Variants in WHRN observed in about 807,000 individuals in gnomAD.
WHRN encodes whirlin.
In WHRN, 41 loss-of-function variants were observed where a neutral mutation model predicts 68.3. That is an observed-to-expected ratio of 0.60 (90% CI 0.47 to 0.78). WHRN has a LOEUF of 0.78. Ranked by LOEUF, WHRN falls within the 30% of genes least tolerant of loss-of-function variation. The pLI, the probability that WHRN is intolerant of heterozygous loss-of-function variation, is 0.00. For missense variants in WHRN, 1,243 were observed against 1,244.7 expected, an observed-to-expected ratio of 1.00 and a Z score of 0.02; for synonymous variants, 560 against 561.3, an observed-to-expected ratio of 1.00 and a Z score of 0.03.
chr9:114,412,620 G>A (rs1438033390), intron 7 of WHRN, among the ~76,000 whole-genome samples: 1 of 152,252 alleles, frequency 6.6e-6, no homozygotes, highest in African/African-American at 2.4e-5. Flanking sequence ...ATGACCTGCT[G>A]TCATTGTTCT....
rs866665080 is a variant in WHRN at position 114,422,619 on chromosome 9, A to G, written c.1626+695T>C. On this transcript the variant is annotated intron_variant, in intron 7 of 11. Coordinates refer to ENST00000362057, the MANE Select transcript of WHRN (RefSeq NM_015404.4). Reference sequence around the variant, plus strand: ...GAGGCTGAGGTGGGTGGATCTCCTGATGTCAGGAGTTCGAGACCAGCCTGG... The same window carrying G: ...GAGGCTGAGGTGGGTGGATCTCCTGGTGTCAGGAGTTCGAGACCAGCCTGG... Among the ~76,000 whole-genome samples, 11 of 152,076 alleles carry G rather than the reference A, an allele frequency of 7.2e-5. No homozygotes were observed. The South Asian group carries it at 1.2e-3, about 17-fold the overall frequency.
chr9:114,462,892 G>A (rs1015985552), intron 3 of WHRN, among the ~76,000 whole-genome samples: 2 of 152,188 alleles, frequency 1.3e-5, no homozygotes, highest in African/African-American at 4.8e-5. Context: ...AGGGTAAGAG[G>A]ATAATAAAAG....
intron 1 of WHRN, chr9:114,503,104 C>CA (rs1366621017): frequency 2.0e-6 from 2 of 984,160 alleles, no homozygotes; most frequent in African/African-American, 3.5e-5. Flanking sequence ...GCTCAAGACT[C>CA]ACCTGGACAC....
intron 1 of WHRN, among the ~76,000 whole-genome samples, chr9:114,480,105 T>C (rs1433166246): frequency 6.6e-6 from 1 of 152,092 alleles, no homozygotes; most frequent in Non-Finnish European, 1.5e-5. Context: ...AAGTTCCTTT[T>C]TTATAGCAAC....
In WHRN at chr9:114,475,184, C is replaced by T. The variant is rs529704588; in HGVS notation, c.837+3369G>A. Among the ~76,000 whole-genome samples, 4 of 152,256 alleles carry T rather than the reference C, an allele frequency of 2.6e-5. No homozygotes were observed. In the East Asian group the frequency reaches 5.8e-4, roughly 22 times the overall value. ...CAAAAAAATTAAAAGTAAGCAGAAC[C>T]AAGGTTTGAACCCAGGCAGCCTGGG... is the stretch of plus-strand genomic sequence containing the variant. On this transcript the variant is annotated intron_variant, in intron 2 of 11. Transcript: ENST00000362057.
chr9:114,502,322 G>A (rs1589283760), intron 1 of WHRN, among the ~76,000 whole-genome samples: 3 of 152,182 alleles, frequency 2.0e-5, no homozygotes, highest in Non-Finnish European at 4.4e-5. Flanking sequence ...GGACAGCTCT[G>A]CTCCTATCAA....
At chr9:114,472,707 A>T (rs1430929216) in intron 2 of WHRN, among the ~76,000 whole-genome samples, 1 of 152,224 alleles carries the variant, frequency 6.6e-6, no homozygotes, top group Non-Finnish European at 1.5e-5. Flanking sequence ...CAGTACACAC[A>T]GCAGGCCCAT....
Position 114,435,458 on chromosome 9 carries a change from A to C in WHRN, c.964-9045T>G, listed in dbSNP as rs4978588. On this transcript the variant is annotated intron_variant, in intron 3 of 11. Coordinates refer to ENST00000362057, the MANE Select transcript of WHRN (RefSeq NM_015404.4). ...CCCAGCTCTACAGGCTGCAGCAGGG[A>C]AGGAGCATTTGATTTTTACAATCAA... Among the ~76,000 whole-genome samples, 1,339 of 152,282 alleles carry C rather than the reference A, an allele frequency of 8.8e-3. 82 individuals are homozygous for C. The highest frequency in any genetic ancestry group is 0.081 in the Admixed American group (1,237 of 15,290).
At chr9:114,494,043 C>T (rs2133352852) in intron 1 of WHRN, among the ~76,000 whole-genome samples, 1 of 152,316 alleles carries the variant, frequency 6.6e-6, no homozygotes, top group South Asian at 2.1e-4. Flanking sequence ...GACTGTGTGC[C>T]CCTGACTGTG....
At chr9:114,494,040 TG>T in intron 1 of WHRN, among the ~76,000 whole-genome samples, 1 of 152,156 alleles carries the variant, frequency 6.6e-6, no homozygotes, top group South Asian at 2.1e-4. Context: ...CCTGACTGTG[TG>T]CCCCTGACTG....
chr9:114,422,834 C>T (rs1178894740), intron 7 of WHRN, among the ~76,000 whole-genome samples: 6 of 152,086 alleles, frequency 3.9e-5, no homozygotes, highest in East Asian at 1.9e-4. Context: ...GAAGCCATCT[C>T]GAAAAACAAA....
chr9:114,402,372 T>C lies in WHRN; in HGVS notation c.*382A>G. On this transcript the variant is annotated 3_prime_UTR_variant, in exon 12 of 12. Transcript: ENST00000362057. ...GGGGCCGTGTCCATGAATTCTCGAGTGACCTCACTTTGGACAAAGGCTCAG... is the reference window on the plus strand; with the variant it reads ...GGGGCCGTGTCCATGAATTCTCGAGCGACCTCACTTTGGACAAAGGCTCAG... 3.5e-6 allele frequency: 1 copy of C among 287,590 alleles called. No homozygotes were observed. The highest frequency in any genetic ancestry group is 8.2e-5 in the East Asian group (1 of 12,226). 17.8% of individuals were successfully genotyped at this position (287,590 alleles called of 1,614,324 possible). A position where few individuals can be genotyped will look rare whatever the true frequency, so the allele number is the denominator to read the frequency against.
chr9:114,443,629 T>A (rs531964147), intron 3 of WHRN, among the ~76,000 whole-genome samples: 47 of 152,324 alleles, frequency 3.1e-4, no homozygotes, highest in South Asian at 8.3e-4. Context: ...TTTTATTCCC[T>A]CTGCCATATA....
intron 1 of WHRN, among the ~76,000 whole-genome samples, chr9:114,480,320 T>C (rs1403993407): frequency 6.6e-6 from 1 of 152,128 alleles, no homozygotes; most frequent in Non-Finnish European, 1.5e-5. Flanking sequence ...ACAATAAACA[T>C]AGCCTGTGTT....
intron 2 of WHRN, among the ~76,000 whole-genome samples, chr9:114,467,472 T>C (rs1185927177): frequency 4.8e-5 from 7 of 145,528 alleles, no homozygotes; most frequent in African/African-American, 2.6e-5. Context: ...CTGGAGAAAG[T>C]GGCATCTCTG....
chr9:114,428,519 A>T (rs1366383097), intron 3 of WHRN, among the ~76,000 whole-genome samples: 1 of 152,174 alleles, frequency 6.6e-6, no homozygotes, highest in Non-Finnish European at 1.5e-5. Flanking sequence ...GAGGAAACTG[A>T]GGCTCAGAAA....
chr9:114,450,748 A>C (rs528838465), intron 3 of WHRN, among the ~76,000 whole-genome samples: 65 of 152,204 alleles, frequency 4.3e-4, no homozygotes, highest in South Asian at 3.5e-3. Flanking sequence ...ACACCATGCA[A>C]CACCACCAGG....
intron 1 of WHRN, among the ~76,000 whole-genome samples, chr9:114,493,666 TA>T (rs1843196445): frequency 6.6e-6 from 1 of 151,628 alleles, no homozygotes; most frequent in Admixed American, 6.6e-5. Context: ...ACGTACAAAA[TA>T]AAAACCTGAC....
chr9:114,496,630 GC>G (rs1384922577), intron 1 of WHRN, among the ~76,000 whole-genome samples: 2 of 152,190 alleles, frequency 1.3e-5, no homozygotes, highest in Non-Finnish European at 2.9e-5. Flanking sequence ...TACAATGCTT[GC>G]AGCAGGACCT....
Sources: gnomAD v4.1 joint callset for allele counts (sites outside exome capture counted in the v4.1 genomes callset) on GRCh38, gnomAD v4.1.1 for gene constraint, MANE v1.5 for transcripts, NCBI Gene and HGNC (gene_info 2026-07-23, HGNC 2026-07-21) for gene names.